The following PPBP variants were observed in gnomAD, a reference collection of about 807,000 sequenced individuals.
PPBP encodes the protein platelet basic protein.
Under a neutral mutation model 8.3 loss-of-function variants are expected in PPBP, and 8 were observed. That is an observed-to-expected ratio of 0.97 (90% confidence interval 0.57 to 1.75). The LOEUF (loss-of-function observed/expected upper bound fraction) is 1.75. PPBP is among the 40% of genes most tolerant of loss of function. The pLI is 0.00. For missense variants in PPBP, 169 were observed against 149.2 expected (o/e 1.13, Z -0.69); for synonymous variants, 64 against 58.9 (o/e 1.09, Z -0.40).
rs1718980644 is a variant in PPBP at position 73,986,876 on chromosome 4, TTC to T, written c.*394_*395del. 6.6e-6 allele frequency among the ~76,000 whole-genome samples: 1 copy of T among 152,198 alleles called. No homozygotes were observed. Among genetic ancestry groups the T allele is most frequent in the Admixed American group, 6.5e-5 (1 of 15,274 alleles). Reference sequence around the variant, plus strand: ...TTAACAAAAATGTATTGAGCAAATATTCTCTGTTGGGCTCCATGTAATTCCTA... The same window carrying T: ...TTAACAAAAATGTATTGAGCAAATATTCTGTTGGGCTCCATGTAATTCCTA... On this transcript the variant is annotated 3_prime_UTR_variant, in exon 3 of 3. Transcript: ENST00000296028.
rs1310295693 is a variant in PPBP, at chr4:73,987,258, A to G, written c.*14T>C. ...TTCCTGGGAGTTAAAGAAGTTTGGC[A>G]GAAACAGAACAAATTAATCAGCAGA... On this transcript the variant is annotated 3_prime_UTR_variant, in exon 3 of 3. Transcript: ENST00000296028. 5.0e-6 allele frequency: 8 copies of G among 1,588,022 alleles called. No homozygotes were observed. The African/African-American group carries it at 1.1e-4, about 21-fold the overall frequency.
intron 2 of PPBP, 30 bp downstream of exon 2, chr4:73,987,485 GAT>G (rs1389907059): frequency 1.2e-6 from 2 of 1,610,528 alleles, no homozygotes; most frequent in African/African-American, 2.7e-5. Context: ...GGGTTTCTCT[GAT>G]AAGGCAATAG....
rs1325918001 is a variant in PPBP, at chr4:73,987,581, G to T, written c.220C>A (p.Pro74Thr). Residue 74 changes from proline to threonine, a missense_variant, in exon 2 of 3, where the codon CCC (proline) becomes ACC (threonine). Physicochemically the swap from Pro to Thr is conservative, Grantham distance 38. Coordinates refer to ENST00000296028, the MANE Select transcript of PPBP (RefSeq NM_002704.3). Reference sequence around the variant, plus strand: ...ACTTCCAAACTTTGGATGTTTTTGGGATGAATTCCAGAGGTTGTCTTTATA... The same window carrying T: ...ACTTCCAAACTTTGGATGTTTTTGGTATGAATTCCAGAGGTTGTCTTTATA... ...MCIKTTSGIHPKNIQSLEVIG... is the reference protein window; with the variant it reads ...MCIKTTSGIHTKNIQSLEVIG... 6.2e-7 allele frequency: 1 copy of T among 1,614,118 alleles called. No homozygotes were observed. The highest frequency in any genetic ancestry group is 8.5e-7 in the Non-Finnish European group (1 of 1,179,988).
In PPBP at chr4:73,987,657, G is replaced by C; in HGVS notation, c.149-5C>G. The C allele has an allele frequency of 6.2e-7, 1 of 1,605,692 alleles. No individual in the cohort carries two copies. Among genetic ancestry groups the C allele is most frequent in the East Asian group, 2.2e-5 (1 of 44,572 alleles). On this transcript the variant is annotated splice_region_variant and splice_polypyrimidine_tract_variant and intron_variant, in intron 1 of 2. Transcript: ENST00000296028. ...AGTCACTGTCTAGACTTTCCTCTAG[G>C]GTAGAAAATGTGACCTATTGGTGGT... is the stretch of plus-strand genomic sequence containing the variant.
chr4:73,987,045 A>T lies in PPBP; in HGVS notation c.*227T>A. 1.8e-6 allele frequency: 1 copy of T among 544,148 alleles called. No individual in the cohort carries two copies. Among genetic ancestry groups the T allele is most frequent in the South Asian group, 2.2e-5 (1 of 44,982 alleles). The allele number at this position is 544,148 out of a possible 1,614,324, so 33.7% of individuals were successfully genotyped here. ...GCAAAGTACAGTCCAATGTTTAGGC[A>T]AGAATTAGAGGGTTGAAACCAGGCT... On this transcript the variant is annotated 3_prime_UTR_variant, in exon 3 of 3. Transcript: ENST00000296028.
In PPBP at chr4:73,987,298, A is replaced by T. The variant is rs997565113; in HGVS notation, c.361T>A (p.Leu121Met). The T allele has an allele frequency of 6.2e-6, 10 of 1,613,278 alleles. No individual in the cohort carries two copies. The South Asian group carries it at 6.6e-5, about 11-fold the overall frequency. ...TAATCAGCAGATTCATCACCTGCCA[A>T]TTTTTTCTGTACAATTTTCTTGATT... ...PRIKKIVQKK[L>M]AGDESAD is the part of the protein sequence containing the mutation. Residue 121 changes from leucine to methionine, a missense_variant, in exon 3 of 3, where the codon TTG (leucine) becomes ATG (methionine). Physicochemically the swap from Leu to Met is conservative, Grantham distance 15. Transcript: ENST00000296028.
At position 73,988,122 on chromosome 4, in the gene PPBP, A is replaced by G; in HGVS notation, c.-19T>C. The G allele has an allele frequency of 6.2e-7, 1 of 1,613,806 alleles. No individual in the cohort carries two copies. The highest frequency in any genetic ancestry group is 8.5e-7 in the Non-Finnish European group (1 of 1,179,736). On this transcript the variant is annotated 5_prime_UTR_variant, in exon 1 of 3. Transcript: ENST00000296028. ...GGCTCATGGTGGAGAAGGCTGAGCT[A>G]GAGTTGTTTCCAGAACCAGAAGACC... is the stretch of plus-strand genomic sequence containing the variant.
chr4:73,987,812 G>A, intron 1 of PPBP, 144 bp downstream of exon 1: 3 of 1,446,298 alleles, frequency 2.1e-6, no homozygotes, highest in Non-Finnish European at 2.9e-6. Context: ...CACAAGAAGT[G>A]AGAAGTGACC....
chr4:73,987,962 C>G lies in PPBP; in HGVS notation c.142G>C (p.Gly48Arg). Residue 48 changes from glycine (G) to arginine (R), a missense_variant, in exon 1 of 3, where the codon GGC becomes CGC. Coordinates refer to ENST00000296028, the MANE Select transcript of PPBP (RefSeq NM_002704.3). ...AGAGAAGCAGGGCCTCTACCTTTGC[C>G]TTTCGCCAAGTTTCTCTTAGTTTGT... ...KGQTKRNLAK[G>R]KEESLDSDLY... 6.2e-7 allele frequency: 1 copy of G among 1,614,136 alleles called. No homozygotes were observed.
In PPBP at chr4:73,987,257, C is replaced by A. The variant is rs1253221519; in HGVS notation, c.*15G>T. ...CTTCCTGGGAGTTAAAGAAGTTTGG[C>A]AGAAACAGAACAAATTAATCAGCAG... On this transcript the variant is annotated 3_prime_UTR_variant, in exon 3 of 3. Transcript: ENST00000296028. 8 of 1,586,620 alleles carry A rather than the reference C, an allele frequency of 5.0e-6. No homozygotes were observed. In the African/African-American group the frequency reaches 6.7e-5, roughly 13 times the overall value.
Position 73,986,745 on chromosome 4 carries a change from G to A in PPBP, c.*527C>T, listed in dbSNP as rs1307734668. On this transcript the variant is annotated 3_prime_UTR_variant, in exon 3 of 3. Transcript: ENST00000296028. ...TCATATTCACCAATTTATTATTTTA[G>A]TGTTTGATGGCTAAAATAAACATCA... Among the ~76,000 whole-genome samples, 1 of 152,030 alleles carries A rather than the reference G, an allele frequency of 6.6e-6. No individual in the cohort carries two copies.
In PPBP at chr4:73,986,556, G is replaced by A. The variant is rs533886989; in HGVS notation, c.*716C>T. Among the ~76,000 whole-genome samples the A allele has an allele frequency of 3.6e-4, 55 of 151,908 alleles. 1 individual carries two copies. In the South Asian group the frequency reaches 6.4e-3, roughly 18 times the overall value. The stretch of plus-strand genomic sequence containing the variant: ...ATGAAAAAAGTAGAATTTAGAATTA[G>A]GAGTCTAGTAAGGTTGAAGTCCTAT... On this transcript the variant is annotated 3_prime_UTR_variant, in exon 3 of 3. Transcript: ENST00000296028.
In PPBP at chr4:73,988,119, G is replaced by A; in HGVS notation, c.-16C>T. 1 of 1,613,858 alleles carries A rather than the reference G, an allele frequency of 6.2e-7. No homozygotes were observed. Among genetic ancestry groups the A allele is most frequent in the Non-Finnish European group, 8.5e-7 (1 of 1,179,762 alleles). On this transcript the variant is annotated 5_prime_UTR_variant, in exon 1 of 3. Coordinates refer to ENST00000296028, the MANE Select transcript of PPBP (RefSeq NM_002704.3). ...TGAGGCTCATGGTGGAGAAGGCTGA[G>A]CTAGAGTTGTTTCCAGAACCAGAAG...
At chr4:73,987,707 T>C (rs1390739173) in intron 1 of PPBP, 55 bp from the exon 2 acceptor site, 8 of 1,582,692 alleles carry the variant, frequency 5.1e-6, no homozygotes, top group Non-Finnish European at 6.9e-6. Flanking sequence ...TCAGGTCTCT[T>C]ATTTGCAGAT....
In PPBP at chr4:73,987,314, T is replaced by A; in HGVS notation, c.345A>T (p.Lys115Asn). Residue 115 changes from lysine (K) to asparagine (N), a missense_variant, in exon 3 of 3, where the codon AAA becomes AAT. Lys to Asn is a moderately conservative substitution (Grantham distance 94). Transcript: ENST00000296028. Reference sequence around the variant, plus strand: ...CACCTGCCAATTTTTTCTGTACAATTTTCTTGATTCTGGGAGCATCTGGGT... The same window carrying A: ...CACCTGCCAATTTTTTCTGTACAATATTCTTGATTCTGGGAGCATCTGGGT... ...CLDPDAPRIK[K>N]IVQKKLAGDE... is the part of the protein sequence containing the mutation. The A allele has an allele frequency of 6.2e-7, 1 of 1,613,962 alleles. No homozygotes were observed. The highest frequency in any genetic ancestry group is 8.5e-7 in the Non-Finnish European group (1 of 1,179,870).
Position 73,987,943 on chromosome 4 carries a change from G to A in PPBP, c.148+13C>T. On this transcript the variant is annotated intron_variant, in intron 1 of 2. Transcript: ENST00000296028. ...CAGAAGCAGCAACAAGTGCAGAGAA[G>A]CAGGGCCTCTACCTTTGCCTTTCGC... is the stretch of plus-strand genomic sequence containing the variant. 1 of 1,614,076 alleles carries A rather than the reference G, an allele frequency of 6.2e-7. No individual in the cohort carries two copies. Among genetic ancestry groups the A allele is most frequent in the East Asian group, 2.2e-5 (1 of 44,882 alleles).
chr4:73,987,147 A>G lies in PPBP; in HGVS notation c.*125T>C. 1 of 827,656 alleles carries G rather than the reference A, an allele frequency of 1.2e-6. No individual in the cohort carries two copies. The highest frequency in any genetic ancestry group is 1.9e-6 in the Non-Finnish European group (1 of 518,394). The allele number at this position is 827,656 out of a possible 1,614,324, so 51.3% of individuals were successfully genotyped here. On this transcript the variant is annotated 3_prime_UTR_variant, in exon 3 of 3. Transcript: ENST00000296028. ...AAATGTGATTTTTGAGACAGAATGA[A>G]ACACATATCCAAATTTTAATACAGT...
intron 2 of PPBP, 27 bp from the exon 3 acceptor site, chr4:73,987,401 G>A (rs537604616): frequency 1.2e-6 from 2 of 1,607,852 alleles, no homozygotes; most frequent in African/African-American, 1.3e-5. Context: ...GGTTATCTGT[G>A]GGTGTCCTGA....
At position 73,988,182 on chromosome 4, in the gene PPBP, C is replaced by A; in HGVS notation, c.-79G>T. 2 of 1,516,642 alleles carry A rather than the reference C, an allele frequency of 1.3e-6. No homozygotes were observed. The highest frequency in any genetic ancestry group is 1.8e-6 in the Non-Finnish European group (2 of 1,093,534). The allele number at this position is 1,516,642 out of a possible 1,614,324, so 93.9% of individuals were successfully genotyped here. On this transcript the variant is annotated 5_prime_UTR_variant, in exon 1 of 3. Coordinates refer to ENST00000296028, the MANE Select transcript of PPBP (RefSeq NM_002704.3). Reference sequence around the variant, plus strand: ...GGGTGAGTTGCTGCCTACAAGTCTGCAGATAAGTGGCTTCTCATGCCCTGA... The same window carrying A: ...GGGTGAGTTGCTGCCTACAAGTCTGAAGATAAGTGGCTTCTCATGCCCTGA...
Sources: allele counts gnomAD v4.1 joint callset (sites outside exome capture counted in the v4.1 genomes callset), GRCh38; gene constraint gnomAD v4.1.1; transcripts MANE v1.5; gene names NCBI Gene and HGNC (gene_info 2026-07-23, HGNC 2026-07-21).